Variants in SGCD observed in about 807,000 individuals in gnomAD.
SGCD encodes sarcoglycan delta.
A neutral mutation model predicts 36.6 loss-of-function variants in SGCD; 18 were observed. That is an observed-to-expected ratio of 0.49 (90% CI 0.34 to 0.73). SGCD has a LOEUF of 0.73. Among genes scored for constraint, SGCD ranks in the 30% least tolerant of loss-of-function variants. SGCD has a pLI of 0.01. For missense variants in SGCD, 387 were observed against 346.7 expected (o/e 1.12, Z -0.92); for synonymous variants, 133 against 130.6 (o/e 1.02, Z -0.12).
chr5:155,934,364 C>G (rs553165267), intron 1 of SGCD, among the ~76,000 whole-genome samples: 2 of 152,346 alleles, frequency 1.3e-5, no homozygotes, highest in East Asian at 1.9e-4. Context: ...TGGCAAGAAG[C>G]CTTTTTAACG....
At chr5:155,807,839 G>A in the SGCD span, among the ~76,000 whole-genome samples, 1 of 152,220 alleles carries the variant, frequency 6.6e-6, no homozygotes, top group Non-Finnish European at 1.5e-5. Flanking sequence ...TTTATGGAGA[G>A]AGGATAGTTT....
chr5:156,583,991 A>G (rs772407243), intron 4 of SGCD, among the ~76,000 whole-genome samples: 1 of 152,236 alleles, frequency 6.6e-6, no homozygotes, highest in Admixed American at 6.5e-5. Context: ...AAGAAAATAT[A>G]TAGAATGAAC....
chr5:156,526,528 T>C (rs548815964), intron 4 of SGCD, among the ~76,000 whole-genome samples: 262 of 152,258 alleles, frequency 1.7e-3, no homozygotes, highest in African/African-American at 5.7e-3. Context: ...CCATGAAGTA[T>C]TGCCTGAGTA....
the SGCD span, among the ~76,000 whole-genome samples, chr5:155,829,958 T>C: frequency 6.6e-6 from 1 of 152,202 alleles, no homozygotes; most frequent in African/African-American, 2.4e-5. Context: ...TGATCCCTCA[T>C]TTAATTATAC....
At chr5:156,068,392 G>A (rs867735096) in intron 1 of SGCD, among the ~76,000 whole-genome samples, 15 of 151,836 alleles carry the variant, frequency 9.9e-5, no homozygotes, top group South Asian at 2.1e-4. Context: ...TTGTTCTTGC[G>A]ATACTTTACT....
In SGCD at chr5:156,515,741, CA is replaced by C. The variant is rs547824675; in HGVS notation, c.294+7040del. ...TCTCAGCAGCTGCTCGAGTCGTGGC[CA>C]GCAGCAGCATGCTGAAGACTGCCTG... On this transcript the variant is annotated intron_variant, in intron 4 of 8. Coordinates refer to ENST00000337851, the MANE Select transcript of SGCD (RefSeq NM_000337.6). 3.2e-3 allele frequency among the ~76,000 whole-genome samples: 488 copies of C among 152,342 alleles called. 4 individuals are homozygous for C. The highest frequency in any genetic ancestry group is 0.011 in the African/African-American group (468 of 41,578).
intron 3 of SGCD, among the ~76,000 whole-genome samples, chr5:156,210,699 G>C (rs1764416286): frequency 6.6e-6 from 1 of 151,314 alleles, no homozygotes; most frequent in South Asian, 2.1e-4. Flanking sequence ...AGATTTAGAA[G>C]CAAAATTAAT....
At chr5:156,534,121 G>T (rs920408113) in intron 4 of SGCD, among the ~76,000 whole-genome samples, 1 of 151,368 alleles carries the variant, frequency 6.6e-6, no homozygotes, top group African/African-American at 2.4e-5. Flanking sequence ...TTATTTGTAT[G>T]AATTTTAATT....
chr5:156,317,720 C>T (rs930530397), intron 3 of SGCD, among the ~76,000 whole-genome samples: 1 of 152,166 alleles, frequency 6.6e-6, no homozygotes, highest in Non-Finnish European at 1.5e-5. Flanking sequence ...CTAATCATGT[C>T]ACTACAAAAT....
intron 3 of SGCD, among the ~76,000 whole-genome samples, chr5:156,490,436 C>T (rs1346515583): frequency 6.6e-6 from 1 of 150,588 alleles, no homozygotes; most frequent in African/African-American, 2.4e-5. Flanking sequence ...TTCTAATGAA[C>T]ATAGACTCGA....
the SGCD span, among the ~76,000 whole-genome samples, chr5:155,730,459 G>T: frequency 1.3e-5 from 2 of 151,658 alleles, no homozygotes; most frequent in African/African-American, 4.8e-5. Flanking sequence ...GTGTGTGTGT[G>T]TGTGTGTGTG....
intron 1 of SGCD, among the ~76,000 whole-genome samples, chr5:156,040,825 C>T (rs1468763023): frequency 6.6e-6 from 1 of 152,090 alleles, no homozygotes; most frequent in Non-Finnish European, 1.5e-5. Context: ...TTTGAAAATC[C>T]TCTACTGAAT....
chr5:156,246,459 A>C (rs10050529), intron 3 of SGCD, among the ~76,000 whole-genome samples: 126 of 152,180 alleles, frequency 8.3e-4, no homozygotes, highest in African/African-American at 2.9e-3. Context: ...TTTTATTCTG[A>C]AGACACAATA....
chr5:156,212,417 T>C (rs1581171305), intron 3 of SGCD, among the ~76,000 whole-genome samples: 1 of 152,146 alleles, frequency 6.6e-6, no homozygotes, highest in East Asian at 1.9e-4. Flanking sequence ...CATTATATAG[T>C]GATAAAGGTA....
rs1348885946 is a variant in SGCD, at chr5:156,004,620, ACT to A, written c.-281-113257_-281-113256del. 1.5e-4 allele frequency among the ~76,000 whole-genome samples: 23 copies of A among 152,122 alleles called. 1 individual carries two copies. Among genetic ancestry groups the A allele is most frequent in the Non-Finnish European group, 4.4e-5 (3 of 68,010 alleles). Reference sequence around the variant, plus strand: ...GCCCAAGTACTTTCAACTCTTCCACACTGTGTTTTGAGTAGGAAAGAAAAATA... The same window carrying A: ...GCCCAAGTACTTTCAACTCTTCCACAGTGTTTTGAGTAGGAAAGAAAAATA... On this transcript the variant is annotated intron_variant, in intron 1 of 9. Transcript: ENST00000517913.
At chr5:155,832,798 C>A in the SGCD span, among the ~76,000 whole-genome samples, 4 of 150,888 alleles carry the variant, frequency 2.7e-5, no homozygotes. Flanking sequence ...TTTTGAATAG[C>A]ATTTTAAATT....
At chr5:155,786,341 T>G in the SGCD span, among the ~76,000 whole-genome samples, 3 of 152,234 alleles carry the variant, frequency 2.0e-5, no homozygotes, top group South Asian at 6.2e-4. Context: ...GCAGAAACAG[T>G]CCCAGGTTCA....
intron 3 of SGCD, among the ~76,000 whole-genome samples, chr5:156,165,363 A>G (rs1157394869): frequency 6.6e-6 from 1 of 152,224 alleles, no homozygotes; most frequent in African/African-American, 2.4e-5. Flanking sequence ...ATGAAAAAAA[A>G]GTAAAAAGGT....
chr5:156,376,615 G>A (rs891341557), intron 3 of SGCD, among the ~76,000 whole-genome samples: 1 of 152,154 alleles, frequency 6.6e-6, no homozygotes, highest in Admixed American at 6.5e-5. Context: ...TGACTTTTAG[G>A]TGATCAGAGT....
Sources: gnomAD v4.1 joint callset for allele counts (sites outside exome capture counted in the v4.1 genomes callset) on GRCh38, gnomAD v4.1.1 for gene constraint, MANE v1.5 for transcripts, NCBI Gene and HGNC (gene_info 2026-07-23, HGNC 2026-07-21) for gene names.